XKR9: variants seen among roughly 807,000 people sequenced by gnomAD.
XKR9 encodes XK related 9.
A neutral mutation model predicts 32.0 loss-of-function variants in XKR9; 32 were observed. That is an observed-to-expected ratio of 1.00 (90% CI 0.76 to 1.34). The LOEUF (loss-of-function observed/expected upper bound fraction) is 1.34, where lower values mean the gene tolerates loss of function less well. Among genes scored for constraint, XKR9 ranks in the 40% most tolerant of loss-of-function variants. The pLI, the probability that XKR9 is intolerant of heterozygous loss-of-function variation, is 0.00. For missense variants in XKR9, 546 were observed against 429.7 expected, an observed-to-expected ratio of 1.27 and a Z score of -2.39; for synonymous variants, 168 against 143.4, an observed-to-expected ratio of 1.17 and a Z score of -1.22.
the XKR9 span, among the ~76,000 whole-genome samples, chr8:71,060,482 A>C: frequency 6.6e-6 from 1 of 152,202 alleles, no homozygotes; most frequent in African/African-American, 2.4e-5. Context: ...TCGCTGAACC[A>C]ACAAAACTGC....
chr8:70,688,639 A>T (rs1295431189), intron 3 of XKR9, among the ~76,000 whole-genome samples: 3 of 150,954 alleles, frequency 2.0e-5, no homozygotes, highest in Admixed American at 6.6e-5. Context: ...GATGGTCTTG[A>T]TCTCCTGACC....
At chr8:70,707,217 A>C (rs1586839455) in intron 4 of XKR9, 64 bp downstream of exon 4, 2 of 1,308,054 alleles carry the variant, frequency 1.5e-6, no homozygotes, top group East Asian at 4.7e-5. Context: ...AACTATATAA[A>C]TCTTTGGCTG....
the XKR9 span, among the ~76,000 whole-genome samples, chr8:70,810,703 A>G: frequency 6.6e-6 from 1 of 152,242 alleles, no homozygotes; most frequent in Non-Finnish European, 1.5e-5. Context: ...AGGCCATTAC[A>G]TAATGGTAAA....
the XKR9 span, among the ~76,000 whole-genome samples, chr8:70,822,618 G>A: frequency 7.3e-5 from 11 of 151,168 alleles, no homozygotes; most frequent in African/African-American, 2.7e-4. Context: ...TTGCAGTGGG[G>A]ATATCAGTTA....
chr8:70,918,128 C>T, the XKR9 span, among the ~76,000 whole-genome samples: 2 of 152,222 alleles, frequency 1.3e-5, no homozygotes, highest in Admixed American at 6.5e-5. Flanking sequence ...AATTCCTTCA[C>T]ATTTTATCTT....
the XKR9 span, among the ~76,000 whole-genome samples, chr8:70,869,060 A>C: frequency 6.6e-6 from 1 of 152,120 alleles, no homozygotes; most frequent in South Asian, 2.1e-4. Flanking sequence ...CCACCTCAGC[A>C]CTGGACTTTA....
chr8:70,839,178 G>T, the XKR9 span, among the ~76,000 whole-genome samples: 6 of 152,128 alleles, frequency 3.9e-5, no homozygotes, highest in Admixed American at 6.6e-5. Flanking sequence ...TGACTTGGAG[G>T]TATGCTGGAA....
At chr8:71,012,788 C>G in the XKR9 span, among the ~76,000 whole-genome samples, 1 of 152,154 alleles carries the variant, frequency 6.6e-6, no homozygotes, top group Non-Finnish European at 1.5e-5. Flanking sequence ...CTGGTCAGGG[C>G]TCAAGTAGTC....
the XKR9 span, among the ~76,000 whole-genome samples, chr8:70,985,905 A>G: frequency 6.6e-6 from 1 of 152,170 alleles, no homozygotes; most frequent in Admixed American, 6.5e-5. Context: ...CTTCTAATAG[A>G]CATTTTGTTT....
chr8:70,733,799 C>CT lies in XKR9; in HGVS notation c.497_498insT (p.Ala167GlyfsTer15), dbSNP rs1806753621. On this transcript the variant is annotated frameshift_variant, in exon 5 of 5. Transcript: ENST00000408926. LOFTEE classifies it high-confidence loss of function. ...TTTTTATTTTTTTGTTTTGTAGATG[C>CT]GGCCATCATGGTCTCTTGCTGTGCT... is the stretch of plus-strand genomic sequence containing the variant. 1 of 1,546,432 alleles carries CT rather than the reference C, an allele frequency of 6.5e-7. No individual in the cohort carries two copies. The highest frequency in any genetic ancestry group is 2.2e-5 in the Admixed American group (1 of 44,546).
At chr8:70,674,327 A>G (rs548188850) in intron 1 of XKR9, among the ~76,000 whole-genome samples, 2 of 152,358 alleles carry the variant, frequency 1.3e-5, no homozygotes, top group East Asian at 1.9e-4. Flanking sequence ...ATTTCATCAG[A>G]TAGATGGCAG....
chr8:70,916,458 C>A, the XKR9 span, among the ~76,000 whole-genome samples: 1 of 152,168 alleles, frequency 6.6e-6, no homozygotes, highest in African/African-American at 2.4e-5. Context: ...TTTTGTTCCA[C>A]TGATCTATTT....
the XKR9 span, among the ~76,000 whole-genome samples, chr8:70,952,136 AG>A: frequency 1.5e-5 from 2 of 135,752 alleles, no homozygotes; most frequent in African/African-American, 5.6e-5. Context: ...AAAATAGAAT[AG>A]GTTAAAGAAA....
the XKR9 span, among the ~76,000 whole-genome samples, chr8:71,038,088 GT>G: frequency 2.6e-5 from 4 of 151,780 alleles, no homozygotes; most frequent in Non-Finnish European, 2.9e-5. Flanking sequence ...TTTTTAAAGG[GT>G]TTTTTTTAGC....
At chr8:70,893,695 A>G in the XKR9 span, among the ~76,000 whole-genome samples, 3 of 152,148 alleles carry the variant, frequency 2.0e-5, no homozygotes, top group East Asian at 5.8e-4. Context: ...TAGGCTGTTA[A>G]CATCCTTAGT....
the XKR9 span, among the ~76,000 whole-genome samples, chr8:70,827,461 A>G: frequency 6.6e-6 from 1 of 152,176 alleles, no homozygotes; most frequent in South Asian, 2.1e-4. Context: ...GGTTGTGTGT[A>G]GGCATTTTAC....
intron 4 of XKR9, among the ~76,000 whole-genome samples, chr8:70,711,462 A>G (rs1280966340): frequency 1.3e-5 from 2 of 152,202 alleles, no homozygotes; most frequent in East Asian, 1.9e-4. Context: ...GAATGAAATC[A>G]TGTCCTTTGC....
chr8:70,777,144 C>A (rs1169694363), intron 2 of XKR9, among the ~76,000 whole-genome samples: 1 of 151,302 alleles, frequency 6.6e-6, no homozygotes, highest in Non-Finnish European at 1.5e-5. Context: ...GTGTGATGTT[C>A]CCCTCCCTAT....
At chr8:70,727,283 A>G (rs538472564) in intron 4 of XKR9, among the ~76,000 whole-genome samples, 1 of 152,000 alleles carries the variant, frequency 6.6e-6, no homozygotes, top group African/African-American at 2.4e-5. Flanking sequence ...AATTTAGGGG[A>G]AAATTATATT....
Sources: gnomAD v4.1 joint callset for allele counts (sites outside exome capture counted in the v4.1 genomes callset) on GRCh38, gnomAD v4.1.1 for gene constraint, MANE v1.5 for transcripts, NCBI Gene and HGNC (gene_info 2026-07-23, HGNC 2026-07-21) for gene names.